The following MARCHF1 variants were observed in gnomAD, a reference collection of about 807,000 sequenced individuals.
MARCHF1 encodes E3 ubiquitin-protein ligase MARCHF1.
In MARCHF1, 40 loss-of-function variants were observed where a neutral mutation model predicts 54.2. That is an observed-to-expected ratio of 0.74 (90% confidence interval 0.57 to 0.96). The LOEUF is 0.96. Ranked by LOEUF, MARCHF1 falls within the 40% of genes least tolerant of loss-of-function variation. MARCHF1 has a pLI of 0.00. For synonymous variants in MARCHF1, 236 were observed against 236.3 expected (o/e 1.00, Z 0.01); for missense variants, 586 against 656.5 (o/e 0.89, Z 1.17).
intron 2 of MARCHF1, among the ~76,000 whole-genome samples, chr4:164,014,183 T>C (rs963374989): frequency 1.6e-5 from 2 of 128,748 alleles, no homozygotes; most frequent in African/African-American, 6.2e-5. Flanking sequence ...AGAGTGAGAC[T>C]GCATCTCAAA....
At chr4:164,215,242 C>A (rs887784597) in intron 1 of MARCHF1, among the ~76,000 whole-genome samples, 1 of 152,226 alleles carries the variant, frequency 6.6e-6, no homozygotes, top group African/African-American at 2.4e-5. Context: ...AGATGGTTTT[C>A]CCCTGGAGCA....
intron 3 of MARCHF1, among the ~76,000 whole-genome samples, chr4:163,979,305 A>G: frequency 6.8e-6 from 1 of 146,376 alleles, no homozygotes; most frequent in African/African-American, 2.5e-5. Context: ...TTTACTGAGA[A>G]TGATGATTTC....
chr4:164,158,593 A>T (rs1393502351), intron 1 of MARCHF1, among the ~76,000 whole-genome samples: 2 of 152,178 alleles, frequency 1.3e-5, no homozygotes, highest in African/African-American at 4.8e-5. Context: ...GTGAGCTGAG[A>T]TCATGCCACT....
At chr4:163,879,725 A>G (rs1750372609) in intron 3 of MARCHF1, among the ~76,000 whole-genome samples, 1 of 152,042 alleles carries the variant, frequency 6.6e-6, no homozygotes, top group South Asian at 2.1e-4. Context: ...TACTTTACAT[A>G]TATGTTGTTT....
At chr4:163,539,181 C>T (rs1373942063) in intron 9 of MARCHF1, among the ~76,000 whole-genome samples, 1 of 151,974 alleles carries the variant, frequency 6.6e-6, no homozygotes, top group African/African-American at 2.4e-5. Flanking sequence ...CCACCATGCC[C>T]AGCTAAGTTT....
intron 3 of MARCHF1, among the ~76,000 whole-genome samples, chr4:163,971,303 G>C (rs900786129): frequency 2.6e-5 from 4 of 152,180 alleles, no homozygotes; most frequent in Non-Finnish European, 5.9e-5. Flanking sequence ...GAAGACTCAG[G>C]AGAAAGGTAT....
intron 7 of MARCHF1, among the ~76,000 whole-genome samples, chr4:163,602,389 T>C (rs555324950): frequency 6.3e-4 from 96 of 152,196 alleles, no homozygotes; most frequent in Middle Eastern, 6.8e-3. Context: ...GCAAAGCACA[T>C]ATCATTTTTC....
At chr4:164,199,556 C>T (rs35881199) in intron 1 of MARCHF1, among the ~76,000 whole-genome samples, 27,103 of 150,906 alleles carry the variant, frequency 0.18, 2,999 homozygotes, top group Non-Finnish European at 0.26. Flanking sequence ...GGCAGGGAAT[C>T]GCTTGAGAGG....
intron 3 of MARCHF1, among the ~76,000 whole-genome samples, chr4:163,872,858 C>A (rs1203735040): frequency 6.6e-6 from 1 of 151,718 alleles, no homozygotes; most frequent in Admixed American, 6.6e-5. Context: ...TCCTGGCTAA[C>A]ACAGTGAAAC....
At chr4:164,008,859 A>G (rs1753354478) in intron 2 of MARCHF1, among the ~76,000 whole-genome samples, 2 of 152,052 alleles carry the variant, frequency 1.3e-5, no homozygotes, top group African/African-American at 2.4e-5. Flanking sequence ...ATAGCAAGAA[A>G]CACCTATATC....
intron 5 of MARCHF1, among the ~76,000 whole-genome samples, chr4:163,634,937 A>G (rs1478694331): frequency 8.4e-6 from 1 of 118,722 alleles, no homozygotes; most frequent in Non-Finnish European, 1.6e-5. Context: ...CTCAGGATTA[A>G]GAATCTCACT....
intron 2 of MARCHF1, among the ~76,000 whole-genome samples, chr4:164,013,091 C>A (rs1229916750): frequency 2.0e-5 from 3 of 152,076 alleles, no homozygotes; most frequent in East Asian, 3.8e-4. Flanking sequence ...GATATGTGAT[C>A]TTTCAGACAG....
chr4:164,071,365 G>T (rs926843629), intron 2 of MARCHF1, among the ~76,000 whole-genome samples: 1 of 151,778 alleles, frequency 6.6e-6, no homozygotes, highest in African/African-American at 2.4e-5. Context: ...TTTTTGCATG[G>T]ATTATAATAG....
intron 1 of MARCHF1, among the ~76,000 whole-genome samples, chr4:164,263,847 C>T (rs377294829): frequency 3.3e-5 from 5 of 152,108 alleles, no homozygotes; most frequent in Admixed American, 6.5e-5. Flanking sequence ...AAAAAATAAC[C>T]GATGCTAGTG....
At chr4:163,858,194 C>G (rs944008794) in intron 3 of MARCHF1, among the ~76,000 whole-genome samples, 1 of 152,056 alleles carries the variant, frequency 6.6e-6, no homozygotes, top group East Asian at 1.9e-4. Flanking sequence ...GAGCATGGTA[C>G]GCCTAGAACT....
chr4:164,123,372 C>G (rs902402065), intron 1 of MARCHF1, among the ~76,000 whole-genome samples: 1 of 151,996 alleles, frequency 6.6e-6, no homozygotes, highest in Non-Finnish European at 1.5e-5. Flanking sequence ...TGTTAAAATA[C>G]CCATACTACC....
intron 4 of MARCHF1, among the ~76,000 whole-genome samples, chr4:163,708,898 G>A (rs1745025752): frequency 6.6e-6 from 1 of 152,096 alleles, no homozygotes; most frequent in Non-Finnish European, 1.5e-5. Context: ...ATATGGGTAT[G>A]ATGTGCATAC....
In MARCHF1 at chr4:164,108,110, C is replaced by G. The variant is rs184155270; in HGVS notation, c.-248+3478G>C. Among the ~76,000 whole-genome samples the G allele has an allele frequency of 5.3e-5, 8 of 152,084 alleles. No individual in the cohort carries two copies. In the East Asian group the frequency reaches 9.7e-4, roughly 18 times the overall value. On this transcript the variant is annotated intron_variant, in intron 2 of 9. Transcript: ENST00000514618. Reference sequence around the variant, plus strand: ...ATAGAATAGCATTTCATTGAACTGTCTTTTGTGACTATCTCTGAACAAAGT... The same window carrying G: ...ATAGAATAGCATTTCATTGAACTGTGTTTTGTGACTATCTCTGAACAAAGT...
At chr4:163,560,769 A>C (rs1739441800) in intron 8 of MARCHF1, among the ~76,000 whole-genome samples, 1 of 152,170 alleles carries the variant, frequency 6.6e-6, no homozygotes, top group Non-Finnish European at 1.5e-5. Context: ...AGTATCTAAT[A>C]ATTTAAATGC....
Sources: gnomAD v4.1 joint callset for allele counts (sites outside exome capture counted in the v4.1 genomes callset) on GRCh38, gnomAD v4.1.1 for gene constraint, MANE v1.5 for transcripts, NCBI Gene and HGNC (gene_info 2026-07-23, HGNC 2026-07-21) for gene names.